The following ZNF521 variants were observed in gnomAD, a reference collection of about 807,000 sequenced individuals.
ZNF521 encodes the protein zinc finger protein 521.
In ZNF521, 14 loss-of-function variants were observed where a neutral mutation model predicts 105.5. The ratio of observed to expected loss-of-function variants is 0.13; its 90% CI spans 0.09 to 0.21. The LOEUF (loss-of-function observed/expected upper bound fraction) is 0.21, where lower values mean the gene tolerates loss of function less well. Among genes scored for constraint, ZNF521 ranks in the 10% least tolerant of loss-of-function variants. The pLI is 1.00. For synonymous variants in ZNF521, 635 were observed against 606.0 expected (o/e 1.05, Z -0.70); for missense variants, 1,233 against 1,629.7 (o/e 0.76, Z 4.19).
At chr18:25,329,376 A>G (rs1330963289) in intron 2 of ZNF521, among the ~76,000 whole-genome samples, 2 of 152,204 alleles carry the variant, frequency 1.3e-5, no homozygotes, top group African/African-American at 4.8e-5. Flanking sequence ...AGAGTAAGTC[A>G]ACGACTACAG....
rs1175859497 is a variant in ZNF521, at chr18:25,179,116, CTTTTTTTTTTTTTTTTTTTTTTT to C, written c.3658+16021_3658+16043del. Reference sequence around the variant, plus strand: ...GACTTATACTTCTTTTTCTTTATTCCTTTTTTTTTTTTTTTTTTTTTTTTTTTTTTTTTTTTTTTTTTGGTGGT... The same window carrying C: ...GACTTATACTTCTTTTTCTTTATTCCTTTTTTTTTTTTTTTTTTTGGTGGT... On this transcript the variant is annotated intron_variant, in intron 5 of 7. Transcript: ENST00000361524. Among the ~76,000 whole-genome samples the C allele has an allele frequency of 3.6e-3, 188 of 52,492 alleles. 1 individual carries two copies. The highest frequency in any genetic ancestry group is 5.2e-3 in the Admixed American group (16 of 3,098). 34.4% of individuals were successfully genotyped at this position (52,492 alleles called of 152,430 possible).
intron 2 of ZNF521, among the ~76,000 whole-genome samples, chr18:25,350,263 G>T (rs753258620): frequency 6.6e-6 from 1 of 151,980 alleles, no homozygotes; most frequent in African/African-American, 2.4e-5. Flanking sequence ...AGGGGCGAGG[G>T]GCGGTCAACT....
intron 3 of ZNF521, among the ~76,000 whole-genome samples, chr18:25,266,649 G>A (rs1029675839): frequency 5.9e-5 from 9 of 152,050 alleles, no homozygotes; most frequent in East Asian, 3.9e-4. Context: ...GCAAGGGGTC[G>A]GGGGATTTCC....
At chr18:25,306,697 C>T (rs1279471431) in intron 3 of ZNF521, among the ~76,000 whole-genome samples, 2 of 151,706 alleles carry the variant, frequency 1.3e-5, no homozygotes, top group Non-Finnish European at 2.9e-5. Flanking sequence ...TACAAGAGGC[C>T]TTATAAGTAG....
chr18:25,244,226 TCTC>T (rs1907546043), intron 3 of ZNF521, among the ~76,000 whole-genome samples: 1 of 151,998 alleles, frequency 6.6e-6, no homozygotes, highest in Admixed American at 6.6e-5. Flanking sequence ...GTGCAGAAGT[TCTC>T]CTGGTTTCAA....
intron 5 of ZNF521, among the ~76,000 whole-genome samples, chr18:25,133,525 A>G (rs550059557): frequency 5.9e-5 from 9 of 152,306 alleles, no homozygotes; most frequent in Non-Finnish European, 1.2e-4. Context: ...TTATCATCTG[A>G]TTATAGACAT....
chr18:25,333,788 G>A (rs1010656045), intron 2 of ZNF521, among the ~76,000 whole-genome samples: 1 of 152,188 alleles, frequency 6.6e-6, no homozygotes, highest in African/African-American at 2.4e-5. Flanking sequence ...CTGCCAGTGG[G>A]AAATATGAAT....
intron 5 of ZNF521, among the ~76,000 whole-genome samples, chr18:25,186,106 CTTT>C (rs1180263316): frequency 6.6e-6 from 1 of 152,280 alleles, no homozygotes; most frequent in African/African-American, 2.4e-5. Context: ...GAAAGTCTTA[CTTT>C]TCAGTCAGTG....
Position 25,226,402 on chromosome 18 carries a change from C to T in ZNF521, c.1516G>A (p.Ala506Thr), listed in dbSNP as rs1315340570. 1.2e-6 allele frequency: 2 copies of T among 1,614,110 alleles called. No individual in the cohort carries two copies. Residue 506 changes from alanine (A) to threonine (T), a missense_variant, in exon 4 of 8, where the codon GCA (alanine) becomes ACA (threonine). Coordinates refer to ENST00000361524, the MANE Select transcript of ZNF521 (RefSeq NM_015461.3). This position sits in a 1 kb window ranked among gnomAD's most constrained non-coding sequence, Gnocchi z 4.1. ...IRCSHGFANP[A>T]AKDSNAFFCP... is the part of the protein sequence containing the mutation. ...AAGAATGCATTACTATCTTTAGCTG[C>T]AGGGTTTGCAAATCCATGAGAACAT...
chr18:25,333,684 A>G (rs1444665106), intron 2 of ZNF521, among the ~76,000 whole-genome samples: 1 of 152,192 alleles, frequency 6.6e-6, no homozygotes, highest in Admixed American at 6.5e-5. Flanking sequence ...GGGTATGTCC[A>G]TCTTTCACAG....
chr18:25,350,069 C>A (rs1045655347), intron 2 of ZNF521, among the ~76,000 whole-genome samples: 6 of 152,066 alleles, frequency 3.9e-5, no homozygotes, highest in African/African-American at 1.4e-4. Flanking sequence ...ACGTGACTCT[C>A]CTCGCCACAT....
At chr18:25,214,823 G>T (rs922961056) in intron 4 of ZNF521, among the ~76,000 whole-genome samples, 4 of 152,140 alleles carry the variant, frequency 2.6e-5, no homozygotes, top group Non-Finnish European at 5.9e-5. Context: ...TTGGCCTGGA[G>T]AAAGGATGCA....
intron 5 of ZNF521, among the ~76,000 whole-genome samples, chr18:25,120,965 C>T (rs945438355): frequency 1.3e-5 from 2 of 152,088 alleles, no homozygotes; most frequent in Non-Finnish European, 2.9e-5. Context: ...GGTCATGGGT[C>T]ATCTATGCTC....
chr18:25,226,888 G>A lies in ZNF521; in HGVS notation c.1030C>T (p.Pro344Ser), dbSNP rs145721262. Residue 344 changes from proline (P) to serine (S), a missense_variant, in exon 4 of 8, where the codon CCT becomes TCT. Pro to Ser is a moderately conservative substitution (Grantham distance 74). This residue lies in a region of ZNF521 where 380 missense variants were observed against 478.0 expected (regional missense o/e 0.80). Coordinates refer to ENST00000361524, the MANE Select transcript of ZNF521 (RefSeq NM_015461.3). The surrounding 1 kb of genome is among the most constrained non-coding windows in gnomAD (Gnocchi z 4.1). ...QPESCNHSNS[P>S]SLVTVGYTSV... ...GTATAGCCCACCGTGACCAGGGAAG[G>A]GCTGTTGCTGTGATTGCATGACTCC... 2.5e-6 allele frequency: 4 copies of A among 1,613,786 alleles called. No homozygotes were observed. Among genetic ancestry groups the A allele is most frequent in the Middle Eastern group, 1.6e-4 (1 of 6,084 alleles).
At chr18:25,324,412 A>G (rs1913097640) in intron 2 of ZNF521, among the ~76,000 whole-genome samples, 1 of 150,358 alleles carries the variant, frequency 6.7e-6, no homozygotes, top group African/African-American at 2.4e-5. Context: ...AAAAAAAAAA[A>G]ATGGCAATGA....
chr18:25,321,245 C>T (rs541903164), intron 3 of ZNF521, among the ~76,000 whole-genome samples: 1 of 152,284 alleles, frequency 6.6e-6, no homozygotes, highest in South Asian at 2.1e-4. Context: ...AAATGCCCTA[C>T]CCAGGCTCAG....
chr18:25,235,509 G>T (rs941682266), intron 3 of ZNF521, among the ~76,000 whole-genome samples: 5 of 152,106 alleles, frequency 3.3e-5, no homozygotes, highest in African/African-American at 1.2e-4. Flanking sequence ...TAAACCACCA[G>T]AATTTTCAAA....
chr18:25,116,081 G>T (rs1377296085), intron 5 of ZNF521, among the ~76,000 whole-genome samples: 1 of 152,182 alleles, frequency 6.6e-6, no homozygotes, highest in African/African-American at 2.4e-5. Flanking sequence ...AGAACAATGG[G>T]TGACTGAAGC....
intron 4 of ZNF521, among the ~76,000 whole-genome samples, chr18:25,217,313 G>C (rs1456062599): frequency 6.6e-6 from 1 of 152,216 alleles, no homozygotes; most frequent in African/African-American, 2.4e-5. Flanking sequence ...TTCTGGCTTT[G>C]AAGGTATACA....
Sources: allele counts gnomAD v4.1 joint callset (sites outside exome capture counted in the v4.1 genomes callset), GRCh38; gene constraint gnomAD v4.1.1; regional missense constraint gnomAD v4.1.1; non-coding constraint Gnocchi (gnomAD v3.1); transcripts MANE v1.5; gene names NCBI Gene and HGNC (gene_info 2026-07-23, HGNC 2026-07-21).